CHN2: variants seen among roughly 807,000 people sequenced by gnomAD.
The protein encoded by CHN2 is beta-chimaerin.
A neutral mutation model predicts 56.3 loss-of-function variants in CHN2; 35 were observed. The observed-to-expected ratio is 0.62, with a 90% confidence interval of 0.47 to 0.82. The LOEUF (loss-of-function observed/expected upper bound fraction) is 0.82. CHN2 is among the 40% of genes least tolerant of loss of function. CHN2 has a pLI of 0.00. For missense variants in CHN2, 491 were observed against 580.5 expected, an observed-to-expected ratio of 0.85 and a Z score of 1.58; for synonymous variants, 210 against 212.8, an observed-to-expected ratio of 0.99 and a Z score of 0.12.
chr7:29,227,802 G>A (rs1293128732), intron 1 of CHN2, among the ~76,000 whole-genome samples: 1 of 152,096 alleles, frequency 6.6e-6, no homozygotes, highest in East Asian at 1.9e-4. Flanking sequence ...TAAGCCAATT[G>A]GAATTGGTGC....
intron 2 of CHN2, among the ~76,000 whole-genome samples, chr7:29,357,598 A>G (rs1314497524): frequency 6.6e-6 from 1 of 152,234 alleles, no homozygotes; most frequent in Non-Finnish European, 1.5e-5. Flanking sequence ...AATCTAGTCA[A>G]GGAGACAGAT....
At chr7:29,366,480 G>A (rs906358226) in intron 2 of CHN2, among the ~76,000 whole-genome samples, 15 of 152,196 alleles carry the variant, frequency 9.9e-5, no homozygotes, top group Non-Finnish European at 1.5e-4. Flanking sequence ...AACAGTAGGT[G>A]CCAATTGGTT....
At chr7:29,242,502 G>A (rs1053931278) in intron 1 of CHN2, among the ~76,000 whole-genome samples, 25 of 152,064 alleles carry the variant, frequency 1.6e-4, no homozygotes, top group African/African-American at 5.3e-4. Context: ...GGCATCAGCC[G>A]TTTGCTTGCA....
Position 29,252,578 on chromosome 7 carries a change from G to GTT in CHN2, c.49+57615_49+57616dup, listed in dbSNP as rs545289689. 9.1e-3 allele frequency among the ~76,000 whole-genome samples: 178 copies of GTT among 19,488 alleles called. 65 individuals are homozygous for GTT. Among genetic ancestry groups the GTT allele is most frequent in the Admixed American group, 0.015 (19 of 1,246 alleles). 12.8% of individuals were successfully genotyped at this position (19,488 alleles called of 152,430 possible). A position where few individuals can be genotyped will look rare whatever the true frequency, so the allele number is the denominator to read the frequency against. ...CTGTTTGTCTAAAATTGCATTCTTT[G>GTT]TTTTTTTTTTTTTTTTTTTTTTTTT... On this transcript the variant is annotated intron_variant, in intron 1 of 12. Coordinates refer to ENST00000222792, the MANE Select transcript of CHN2 (RefSeq NM_004067.4).
At chr7:29,187,548 A>T (rs931936423) in intron 2 of CHN2, among the ~76,000 whole-genome samples, 2 of 151,980 alleles carry the variant, frequency 1.3e-5, no homozygotes, top group Admixed American at 6.6e-5. Context: ...ACATGGAGAA[A>T]CCCCGTCTCT....
intron 2 of CHN2, among the ~76,000 whole-genome samples, chr7:29,164,800 AAC>A (rs1554350980): frequency 1.3e-5 from 2 of 150,536 alleles, no homozygotes; most frequent in Non-Finnish European, 3.0e-5. Flanking sequence ...AAAAAAAAAA[AAC>A]AAAGATTATT....
chr7:29,383,063 G>A (rs765670448), intron 3 of CHN2, among the ~76,000 whole-genome samples: 20 of 152,150 alleles, frequency 1.3e-4, no homozygotes, highest in African/African-American at 4.1e-4. Flanking sequence ...CAGTAAATAC[G>A]TATTGAGCCC....
intron 1 of CHN2, among the ~76,000 whole-genome samples, chr7:29,329,847 T>C (rs1299713907): frequency 6.6e-6 from 1 of 152,230 alleles, no homozygotes; most frequent in African/African-American, 2.4e-5. Flanking sequence ...GAACTGTGGC[T>C]TTTCAGAGAA....
At chr7:29,210,186 A>C (rs1402329347) in intron 1 of CHN2, among the ~76,000 whole-genome samples, 1 of 152,174 alleles carries the variant, frequency 6.6e-6, no homozygotes, top group Non-Finnish European at 1.5e-5. Context: ...TGTGTAAATC[A>C]GTTACACTCA....
Position 29,296,079 on chromosome 7 carries a change from TCAC to T in CHN2, c.50-58543_50-58541del, listed in dbSNP as rs906605974. 7.4e-5 allele frequency among the ~76,000 whole-genome samples: 9 copies of T among 121,512 alleles called. No individual in the cohort carries two copies. In the Admixed American group the frequency reaches 7.7e-4, roughly 10 times the overall value. 79.7% of individuals were successfully genotyped at this position (121,512 alleles called of 152,430 possible). A position where few individuals can be genotyped will look rare whatever the true frequency, so the allele number is the denominator to read the frequency against. ...AAGAGAAAGGTCTGTCCGTGTGTAA[TCAC>T]CATTTTTTTTTTTTTTTTTAAGACA... On this transcript the variant is annotated intron_variant, in intron 1 of 12. Coordinates refer to ENST00000222792, the MANE Select transcript of CHN2 (RefSeq NM_004067.4).
chr7:29,502,902 C>A (rs769770008), intron 9 of CHN2, among the ~76,000 whole-genome samples: 2 of 152,068 alleles, frequency 1.3e-5, no homozygotes, highest in Admixed American at 6.5e-5. Context: ...TTCCCCTTGA[C>A]CCCCACCCTC....
chr7:29,326,259 G>A (rs1795795760), intron 1 of CHN2, among the ~76,000 whole-genome samples: 1 of 152,158 alleles, frequency 6.6e-6, no homozygotes, highest in Non-Finnish European at 1.5e-5. Context: ...CTGGGTTAAA[G>A]CGATTCTCCT....
intron 6 of CHN2, among the ~76,000 whole-genome samples, chr7:29,455,917 A>G (rs1233185137): frequency 6.6e-6 from 1 of 152,222 alleles, no homozygotes; most frequent in Non-Finnish European, 1.5e-5. Context: ...ATGTGCTCAG[A>G]GCAAGACCAC....
intron 1 of CHN2, among the ~76,000 whole-genome samples, chr7:29,351,820 A>G (rs1481734731): frequency 6.6e-6 from 1 of 152,234 alleles, no homozygotes; most frequent in Non-Finnish European, 1.5e-5. Context: ...GGGCCACAGT[A>G]GGATGCTTGG....
intron 2 of CHN2, among the ~76,000 whole-genome samples, chr7:29,187,611 C>T (rs1798877863): frequency 6.6e-6 from 1 of 151,962 alleles, no homozygotes; most frequent in Non-Finnish European, 1.5e-5. Flanking sequence ...ACCTGTAATC[C>T]CAGCTACTCG....
chr7:29,472,792 A>T (rs188069165), intron 6 of CHN2, among the ~76,000 whole-genome samples: 77 of 152,294 alleles, frequency 5.1e-4, no homozygotes, highest in African/African-American at 1.7e-3. Flanking sequence ...GTTAAAAATA[A>T]TTTTTCTGCT....
chr7:29,200,454 G>A (rs1294728429), intron 1 of CHN2, among the ~76,000 whole-genome samples: 9 of 72,638 alleles, frequency 1.2e-4, no homozygotes, highest in Admixed American at 3.3e-4. Flanking sequence ...CCCTCCCTTC[G>A]CCCCTTCCCC....
intron 6 of CHN2, among the ~76,000 whole-genome samples, chr7:29,458,243 TG>T (rs1271477420): frequency 6.6e-6 from 1 of 152,186 alleles, no homozygotes; most frequent in Non-Finnish European, 1.5e-5. Context: ...TATTTTCAGA[TG>T]GGACAGATTC....
At chr7:29,150,135 C>T (rs954933126) in intron 2 of CHN2, among the ~76,000 whole-genome samples, 2 of 152,150 alleles carry the variant, frequency 1.3e-5, no homozygotes, top group African/African-American at 4.8e-5. Context: ...TCTGCACCTG[C>T]ATATTCTAGT....
Sources: allele counts gnomAD v4.1 joint callset (sites outside exome capture counted in the v4.1 genomes callset), GRCh38; gene constraint gnomAD v4.1.1; transcripts MANE v1.5; gene names NCBI Gene and HGNC (gene_info 2026-07-23, HGNC 2026-07-21).